The following DGCR2 variants were observed in gnomAD, a reference collection of about 807,000 sequenced individuals.
The protein encoded by DGCR2 is DiGeorge syndrome critical region gene 2.
Under a neutral mutation model 51.6 loss-of-function variants are expected in DGCR2, and 24 were observed. The ratio of observed to expected loss-of-function variants is 0.47; its 90% CI spans 0.34 to 0.65. The LOEUF (loss-of-function observed/expected upper bound fraction) is 0.65, where lower values mean the gene tolerates loss of function less well. Ranked by LOEUF, DGCR2 falls within the 30% of genes least tolerant of loss-of-function variation. The pLI is 0.01. For synonymous variants in DGCR2, 340 were observed against 315.4 expected, an observed-to-expected ratio of 1.08 and a Z score of -0.82; for missense variants, 765 against 772.1, an observed-to-expected ratio of 0.99 and a Z score of 0.11.
intron 6 of DGCR2, among the ~76,000 whole-genome samples, chr22:19,049,012 C>G (rs980955586): frequency 6.6e-6 from 1 of 152,222 alleles, no homozygotes; most frequent in South Asian, 2.1e-4. Context: ...CAGGGAGTGG[C>G]TGTCCAAGAG....
intron 6 of DGCR2, among the ~76,000 whole-genome samples, chr22:19,054,741 T>TA (rs56262911): frequency 0.41 from 56,564 of 139,656 alleles, 11,059 homozygotes; most frequent in Middle Eastern, 0.48. Flanking sequence ...TGCCCCACCT[T>TA]AAAAAAAAAA....
chr22:19,077,231 G>A (rs1027575200), intron 2 of DGCR2, among the ~76,000 whole-genome samples: 2 of 152,128 alleles, frequency 1.3e-5, no homozygotes, highest in African/African-American at 4.8e-5. Flanking sequence ...TTTGTTGCCT[G>A]TGATTTAAGT....
intron 1 of DGCR2, among the ~76,000 whole-genome samples, chr22:19,114,419 C>T (rs760230207): frequency 2.3e-4 from 35 of 152,224 alleles, no homozygotes; most frequent in Non-Finnish European, 4.4e-4. Context: ...TGGGGAAATC[C>T]GAAGAGCTGC....
chr22:19,064,725 T>G, intron 4 of DGCR2, 123 bp downstream of exon 4: 2 of 911,070 alleles, frequency 2.2e-6, no homozygotes, highest in Admixed American at 4.1e-5. Flanking sequence ...TGGGCGAGGC[T>G]GGTCTTCCCA....
chr22:19,045,323 T>C (rs1388971619), intron 7 of DGCR2: 3 of 152,226 alleles, frequency 2.0e-5, no homozygotes, highest in African/African-American at 7.2e-5. Context: ...AAACTCCTTG[T>C]TGTACTCTTT....
chr22:19,066,433 C>CAA (rs199777890), intron 3 of DGCR2, among the ~76,000 whole-genome samples: 11 of 150,598 alleles, frequency 7.3e-5, no homozygotes, highest in Non-Finnish European at 1.3e-4. Flanking sequence ...AACAAACAAA[C>CAA]AAAAAAAAAC....
At position 19,122,228 on chromosome 22, in the gene DGCR2, C is replaced by G. The variant is rs1389004669; in HGVS notation, c.-22G>C. On this transcript the variant is annotated 5_prime_UTR_variant, in exon 1 of 10. Transcript: ENST00000263196. ...CCATTTATCCTCCGTTCATCGTCCC[C>G]GGGGCGGCTGGAAGGCCGGACCAGG... 1.5e-6 allele frequency: 2 copies of G among 1,296,432 alleles called. No homozygotes were observed. The highest frequency in any genetic ancestry group is 2.1e-6 in the Non-Finnish European group (2 of 969,166). 80.3% of individuals were successfully genotyped at this position (1,296,432 alleles called of 1,614,324 possible).
chr22:19,069,696 T>C (rs574048479), intron 2 of DGCR2, among the ~76,000 whole-genome samples: 1 of 152,212 alleles, frequency 6.6e-6, no homozygotes, highest in Non-Finnish European at 1.5e-5. Flanking sequence ...CTCTATGGTT[T>C]GAGGTTAGGC....
intron 1 of DGCR2, among the ~76,000 whole-genome samples, chr22:19,093,003 A>G (rs968834106): frequency 6.6e-6 from 1 of 151,948 alleles, no homozygotes; most frequent in Non-Finnish European, 1.5e-5. Flanking sequence ...GAGAAGAAGG[A>G]GGAGGAGGAG....
In DGCR2 at chr22:19,041,047, G is replaced by T. The variant is rs1175808650; in HGVS notation, c.1396+11C>A. 1.9e-6 allele frequency: 3 copies of T among 1,572,324 alleles called. 1 individual carries two copies. In the South Asian group the frequency reaches 3.5e-5, roughly 18 times the overall value. ...TGACAAGGTGTTCCCTCTCCCTGGG[G>T]AGTCAGGCACCTGCAGGGTCATAGA... On this transcript the variant is annotated intron_variant, in intron 9 of 9. Coordinates refer to ENST00000263196, the MANE Select transcript of DGCR2 (RefSeq NM_005137.3).
In DGCR2 at chr22:19,084,991, G is replaced by C. The variant is rs187316258; in HGVS notation, c.202+4377C>G. Among the ~76,000 whole-genome samples, 297 of 152,280 alleles carry C rather than the reference G, an allele frequency of 2.0e-3. 2 individuals are homozygous for C. Among genetic ancestry groups the C allele is most frequent in the Admixed American group, 0.015 (227 of 15,292 alleles). ...TGGTGGTTTTGTGGAATAGAAAAGG[G>C]GGAAACGTGGGGAAAAGATTGAGAA... On this transcript the variant is annotated intron_variant, in intron 2 of 9. Transcript: ENST00000263196.
At chr22:19,122,051 G>A (rs1418352813) in intron 1 of DGCR2, 77 bp downstream of exon 1, 2 of 1,118,144 alleles carry the variant, frequency 1.8e-6, no homozygotes, top group Admixed American at 4.4e-5. Context: ...AGGGCGCCGC[G>A]GGTGAAAGGA....
chr22:19,061,033 G>T (rs938135776), intron 5 of DGCR2: 5 of 236,768 alleles, frequency 2.1e-5, no homozygotes, highest in Non-Finnish European at 4.4e-5. Flanking sequence ...TTAATGTGAG[G>T]CCCTTCCACC....
chr22:19,122,163 A>AG lies in DGCR2; in HGVS notation c.43dup (p.Leu15ProfsTer38). On this transcript the variant is annotated frameshift_variant, in exon 1 of 10. Transcript: ENST00000263196. LOFTEE classifies it high-confidence loss of function. Reference sequence around the variant, plus strand: ...CGGCTCGGTGACAGTGAGCACGAGCAGGAAGAGCAGCAGGAAGGCGCCGCT... The same window carrying AG: ...CGGCTCGGTGACAGTGAGCACGAGCAGGGAAGAGCAGCAGGAAGGCGCCGCT... The AG allele has an allele frequency of 6.6e-7, 1 of 1,512,138 alleles. No homozygotes were observed. Among genetic ancestry groups the AG allele is most frequent in the East Asian group, 2.9e-5 (1 of 34,696 alleles). The allele number at this position is 1,512,138 out of a possible 1,614,324, so 93.7% of individuals were successfully genotyped here. A position where few individuals can be genotyped will look rare whatever the true frequency, so the allele number is the denominator to read the frequency against.
At chr22:19,089,239 G>A in intron 2 of DGCR2, 129 bp downstream of exon 2, 1 of 1,040,854 alleles carries the variant, frequency 9.6e-7, no homozygotes, top group South Asian at 2.5e-5. Flanking sequence ...GAGAGAGGAA[G>A]GGGTCGGCTC....
At chr22:19,086,823 G>C (rs1012038488) in intron 2 of DGCR2, among the ~76,000 whole-genome samples, 1 of 152,172 alleles carries the variant, frequency 6.6e-6, no homozygotes, top group Non-Finnish European at 1.5e-5. Flanking sequence ...CTCCATGCCA[G>C]GCCATGTGGT....
chr22:19,119,914 G>C (rs1212171373), intron 1 of DGCR2, among the ~76,000 whole-genome samples: 1 of 152,000 alleles, frequency 6.6e-6, no homozygotes, highest in East Asian at 1.9e-4. Flanking sequence ...TGAGAAGTGG[G>C]CTCTGACTGA....
intron 7 of DGCR2, 66 bp from the exon 8 acceptor site, chr22:19,042,025 C>A: frequency 1.3e-6 from 2 of 1,539,862 alleles, no homozygotes; most frequent in African/African-American, 1.4e-5. Flanking sequence ...GCTGGGGATG[C>A]TGTCGTCCTC....
At position 19,057,291 on chromosome 22, in the gene DGCR2, C is replaced by A; in HGVS notation, c.626-129G>T. Reference sequence around the variant, plus strand: ...GCCTGGACCGCCAAGTACTGGTGGTCACTGTGGCCAGGTGTTCACTCGGGA... The same window carrying A: ...GCCTGGACCGCCAAGTACTGGTGGTAACTGTGGCCAGGTGTTCACTCGGGA... On this transcript the variant is annotated intron_variant, in intron 5 of 9. Coordinates refer to ENST00000263196, the MANE Select transcript of DGCR2 (RefSeq NM_005137.3). This position sits in a 1 kb window ranked among gnomAD's most constrained non-coding sequence, Gnocchi z 5.1. 9.4e-7 allele frequency: 1 copy of A among 1,067,022 alleles called. No homozygotes were observed. The highest frequency in any genetic ancestry group is 1.7e-5 in the South Asian group (1 of 58,052). 66.1% of individuals were successfully genotyped at this position (1,067,022 alleles called of 1,614,324 possible).
Sources: allele counts gnomAD v4.1 joint callset (sites outside exome capture counted in the v4.1 genomes callset), GRCh38; gene constraint gnomAD v4.1.1; non-coding constraint Gnocchi (gnomAD v3.1); transcripts MANE v1.5; gene names NCBI Gene and HGNC (gene_info 2026-07-23, HGNC 2026-07-21).